Variants in GNA14 observed in about 807,000 individuals in gnomAD.
GNA14 encodes G protein subunit alpha 14.
In GNA14, 50 loss-of-function variants were observed where a neutral mutation model predicts 42.0. That is an observed-to-expected ratio of 1.19 (90% CI 0.95 to 1.51). The LOEUF (loss-of-function observed/expected upper bound fraction) is 1.51. Ranked by LOEUF, GNA14 falls within the 40% of genes most tolerant of loss-of-function variation. GNA14 has a pLI of 0.00. For missense variants in GNA14, 473 were observed against 446.2 expected (o/e 1.06, Z -0.54); for synonymous variants, 173 against 163.1 (o/e 1.06, Z -0.46).
At chr9:77,453,101 C>T (rs1384609224) in intron 2 of GNA14, among the ~76,000 whole-genome samples, 1 of 152,176 alleles carries the variant, frequency 6.6e-6, no homozygotes, top group Admixed American at 6.5e-5. Flanking sequence ...GATTGCACCA[C>T]TGCACTCTAG....
At chr9:77,611,748 G>C (rs1227269037) in intron 1 of GNA14, among the ~76,000 whole-genome samples, 1 of 152,098 alleles carries the variant, frequency 6.6e-6, no homozygotes, top group African/African-American at 2.4e-5. Flanking sequence ...TTCTGCTGTT[G>C]GTGGGTTTGA....
chr9:77,546,313 G>A lies in GNA14; in HGVS notation c.125-17060C>T, dbSNP rs147643873. The stretch of plus-strand genomic sequence containing the variant: ...TTTTTCTTAGCATTTAATTCAGAGC[G>A]GCCTCTCCCAATATAAATGAAATAT... On this transcript the variant is annotated intron_variant, in intron 1 of 6. Coordinates refer to ENST00000341700, the MANE Select transcript of GNA14 (RefSeq NM_004297.4). Among the ~76,000 whole-genome samples the A allele has an allele frequency of 1.3e-3, 198 of 150,376 alleles. No individual in the cohort carries two copies. The Middle Eastern group carries it at 0.017, about 13-fold the overall frequency.
intron 1 of GNA14, among the ~76,000 whole-genome samples, chr9:77,615,436 T>G (rs1049864200): frequency 3.9e-5 from 6 of 151,936 alleles, no homozygotes; most frequent in African/African-American, 1.5e-4. Flanking sequence ...TCCCATCACC[T>G]CCAGAAAAAC....
intron 1 of GNA14, among the ~76,000 whole-genome samples, chr9:77,644,646 C>T (rs1564074530): frequency 6.6e-6 from 1 of 152,098 alleles, no homozygotes; most frequent in Non-Finnish European, 1.5e-5. Context: ...GCCTCCCAGT[C>T]TGTGGTATTT....
chr9:77,555,586 G>A (rs1224846730), intron 1 of GNA14, among the ~76,000 whole-genome samples: 1 of 152,124 alleles, frequency 6.6e-6, no homozygotes, highest in Non-Finnish European at 1.5e-5. Flanking sequence ...TTACATTCTT[G>A]GATAATTTAG....
At chr9:77,643,744 G>T (rs555795562) in intron 1 of GNA14, among the ~76,000 whole-genome samples, 13 of 152,236 alleles carry the variant, frequency 8.5e-5, no homozygotes, top group Admixed American at 4.6e-4. Flanking sequence ...AACACTAAGG[G>T]AAACTCAAAG....
intron 1 of GNA14, among the ~76,000 whole-genome samples, chr9:77,572,847 T>C (rs1477231015): frequency 6.6e-6 from 1 of 152,122 alleles, no homozygotes; most frequent in Non-Finnish European, 1.5e-5. Context: ...GTTTAATGAG[T>C]TATAGCAATA....
intron 1 of GNA14, among the ~76,000 whole-genome samples, chr9:77,616,041 C>T (rs1823810201): frequency 6.6e-6 from 1 of 152,048 alleles, no homozygotes; most frequent in South Asian, 2.1e-4. Flanking sequence ...GAGTTCTTTG[C>T]AATAGGATAG....
At chr9:77,612,523 C>T (rs932229329) in intron 1 of GNA14, among the ~76,000 whole-genome samples, 2 of 152,052 alleles carry the variant, frequency 1.3e-5, no homozygotes, top group African/African-American at 4.8e-5. Context: ...AAAGCAAATA[C>T]TAAAACCTAA....
At chr9:77,598,902 GTCATTATT>G (rs1401456402) in intron 1 of GNA14, among the ~76,000 whole-genome samples, 2 of 152,158 alleles carry the variant, frequency 1.3e-5, no homozygotes, top group Admixed American at 1.3e-4. Flanking sequence ...CCATGATCCA[GTCATTATT>G]TATTTGTTGA....
chr9:77,514,700 G>GCCTCC (rs1564038143), intron 2 of GNA14, among the ~76,000 whole-genome samples: 2 of 147,878 alleles, frequency 1.4e-5, no homozygotes, highest in Non-Finnish European at 3.0e-5. Context: ...TGCAAGCTCC[G>GCCTCC]CCTCCCGGGT....
chr9:77,462,764 T>A (rs1039504650), intron 2 of GNA14, among the ~76,000 whole-genome samples: 1 of 151,310 alleles, frequency 6.6e-6, no homozygotes, highest in Non-Finnish European at 1.5e-5. Context: ...ACTCAGCTTA[T>A]CCTTTCTGCC....
intron 1 of GNA14, among the ~76,000 whole-genome samples, chr9:77,609,979 A>T (rs979104739): frequency 3.9e-5 from 6 of 152,194 alleles, no homozygotes; most frequent in African/African-American, 1.2e-4. Flanking sequence ...AGGGAAGATT[A>T]ATCACTGCAG....
At chr9:77,527,131 A>G (rs559325843) in intron 2 of GNA14, among the ~76,000 whole-genome samples, 1 of 152,306 alleles carries the variant, frequency 6.6e-6, no homozygotes, top group South Asian at 2.1e-4. Context: ...AACAAAATGT[A>G]TTTTACAACA....
At chr9:77,580,350 G>A (rs533972061) in intron 1 of GNA14, 12 of 335,776 alleles carry the variant, frequency 3.6e-5, no homozygotes, top group Middle Eastern at 1.2e-3. Flanking sequence ...TTACATTGAC[G>A]CGTCATGCCT....
intron 2 of GNA14, among the ~76,000 whole-genome samples, chr9:77,501,366 T>A (rs1250792933): frequency 1.3e-5 from 2 of 152,164 alleles, no homozygotes. Flanking sequence ...CAGCATTTGG[T>A]GTTGTCATTG....
At chr9:77,527,171 C>T (rs1053891125) in intron 2 of GNA14, among the ~76,000 whole-genome samples, 1 of 152,162 alleles carries the variant, frequency 6.6e-6, no homozygotes, top group Non-Finnish European at 1.5e-5. Context: ...GAAATCACCC[C>T]CCAAGAACAT....
chr9:77,604,508 C>T (rs1168516463), intron 1 of GNA14, among the ~76,000 whole-genome samples: 5 of 152,170 alleles, frequency 3.3e-5, no homozygotes, highest in African/African-American at 1.2e-4. Context: ...TGGACAGGCT[C>T]ATCACTCAAG....
intron 1 of GNA14, among the ~76,000 whole-genome samples, chr9:77,571,044 T>C (rs1295053640): frequency 6.6e-6 from 1 of 150,448 alleles, no homozygotes; most frequent in Admixed American, 6.6e-5. Context: ...ATTTTATAGA[T>C]GAGAAAACTG....
Sources: gnomAD v4.1 joint callset for allele counts (sites outside exome capture counted in the v4.1 genomes callset) on GRCh38, gnomAD v4.1.1 for gene constraint, MANE v1.5 for transcripts, NCBI Gene and HGNC (gene_info 2026-07-23, HGNC 2026-07-21) for gene names.